The following OR2M3 variants were observed in gnomAD, a reference collection of about 807,000 sequenced individuals.
The protein encoded by OR2M3 is olfactory receptor 2M3.
Under a neutral mutation model 4.3 loss-of-function variants are expected in OR2M3, and 1 was observed. The ratio of observed to expected loss-of-function variants is 0.23; its 90% CI spans 0.08 to 1.11. OR2M3 has a LOEUF of 1.11. OR2M3 is among the 50% of genes most tolerant of loss of function. The probability of loss-of-function intolerance (pLI) is 0.54; values close to 1 mark genes in which losing one functional copy is unlikely to be tolerated. For synonymous variants in OR2M3, 151 were observed against 139.4 expected, an observed-to-expected ratio of 1.08 and a Z score of -0.59; for missense variants, 410 against 390.4, an observed-to-expected ratio of 1.05 and a Z score of -0.42.
intron 1 of OR2M3, among the ~76,000 whole-genome samples, chr1:248,201,339 T>C (rs1025464003): frequency 6.6e-6 from 1 of 152,234 alleles, no homozygotes; most frequent in South Asian, 2.1e-4. Flanking sequence ...CCATTATAAG[T>C]GTGAGGTTTC....
Position 248,202,943 on chromosome 1 carries a change from A to G in OR2M3, c.-18-107A>G, listed in dbSNP as rs777338136. The G allele has an allele frequency of 5.3e-5, 50 of 951,354 alleles. 2 individuals carry two copies. The South Asian group carries it at 8.1e-4, about 15-fold the overall frequency. 58.9% of individuals were successfully genotyped at this position (951,354 alleles called of 1,614,324 possible). Reference sequence around the variant, plus strand: ...CTTGACCTTTTAGTTTCCTACTTCTATTCATGCTGTATTGATCACCCAACT... The same window carrying G: ...CTTGACCTTTTAGTTTCCTACTTCTGTTCATGCTGTATTGATCACCCAACT... On this transcript the variant is annotated intron_variant, in intron 1 of 1. Coordinates refer to ENST00000641626, the MANE Select transcript of OR2M3 (RefSeq NM_001004689.2).
Position 248,204,160 on chromosome 1 carries a change from T to C in OR2M3, c.*154T>C. Reference sequence around the variant, plus strand: ...TATATAATTTATTTCAGATAAACTATTATAACTATTTATTATTTTATATTC... The same window carrying C: ...TATATAATTTATTTCAGATAAACTACTATAACTATTTATTATTTTATATTC... On this transcript the variant is annotated 3_prime_UTR_variant, in exon 2 of 2. Transcript: ENST00000641626. The C allele has an allele frequency of 1.7e-6, 1 of 574,566 alleles. No individual in the cohort carries two copies. The highest frequency in any genetic ancestry group is 3.0e-5 in the South Asian group (1 of 33,440). The allele number at this position is 574,566 out of a possible 1,614,324, so 35.6% of individuals were successfully genotyped here.
rs757817999 is a variant in OR2M3 at position 248,212,199 on chromosome 1, A to G, written c.*8193A>G. The G allele has an allele frequency of 2.6e-5, 4 of 152,140 alleles. No individual in the cohort carries two copies. Among genetic ancestry groups the G allele is most frequent in the Non-Finnish European group, 5.9e-5 (4 of 67,990 alleles). The allele number at this position is 152,140 out of a possible 1,614,324, so 9.4% of individuals were successfully genotyped here. A position where few individuals can be genotyped will look rare whatever the true frequency, so the allele number is the denominator to read the frequency against. ...TAAATAGTGAAACTGTACATGAAACAAGAAGTATACTAATAGCCATCAAAT... is the reference window on the plus strand; with the variant it reads ...TAAATAGTGAAACTGTACATGAAACGAGAAGTATACTAATAGCCATCAAAT... On this transcript the variant is annotated 3_prime_UTR_variant, in exon 2 of 2. Transcript: ENST00000641626.
chr1:248,203,706 C>T lies in OR2M3; in HGVS notation c.639C>T (p.Ile213=). The T allele has an allele frequency of 6.2e-7, 1 of 1,612,890 alleles. No individual in the cohort carries two copies. The stretch of plus-strand genomic sequence containing the variant: ...TAATGATTGTTTTCCCTGTTGCAAT[C>T]ATCATTGCTTCCTATGCTCGAGTTA... ...CIVMIVFPVA[I]IIASYARVIL... is the part of the protein sequence containing the mutation. Residue 213 remains isoleucine, a synonymous_variant, in exon 2 of 2, where the codon ATC becomes ATT. Coordinates refer to ENST00000641626, the MANE Select transcript of OR2M3 (RefSeq NM_001004689.2).
In OR2M3 at chr1:248,210,586, A is replaced by G. The variant is rs1333704093; in HGVS notation, c.*6580A>G. ...CACCATTGTGATTTGTTTCTGCCCC[A>G]CCCTAACTGATCAGTGTACTTTGTA... On this transcript the variant is annotated 3_prime_UTR_variant, in exon 2 of 2. Coordinates refer to ENST00000641626, the MANE Select transcript of OR2M3 (RefSeq NM_001004689.2). The G allele has an allele frequency of 7.2e-5, 11 of 152,278 alleles. No individual in the cohort carries two copies. The highest frequency in any genetic ancestry group is 7.2e-4 in the Admixed American group (11 of 15,268). The allele number at this position is 152,278 out of a possible 1,614,324, so 9.4% of individuals were successfully genotyped here.
chr1:248,199,856 A>G (rs756238942), intron 1 of OR2M3, among the ~76,000 whole-genome samples: 4 of 152,092 alleles, frequency 2.6e-5, no homozygotes, highest in Non-Finnish European at 4.4e-5. Flanking sequence ...ATACAACACA[A>G]ATAATAGTGC....
chr1:248,201,770 T>A (rs949923850), intron 1 of OR2M3, among the ~76,000 whole-genome samples: 6 of 152,122 alleles, frequency 3.9e-5, no homozygotes, highest in African/African-American at 1.4e-4. Context: ...ATAAAGGACA[T>A]GAACTCATCA....
rs375262830 is a variant in OR2M3 at position 248,203,725 on chromosome 1, C to T, written c.658C>T (p.Arg220Ter). The change falls in exon 2 of 2, where the codon CGA becomes TGA. Residue 220 changes from arginine (R) to a stop codon, truncating the protein, a stop_gained. Transcript: ENST00000641626. LOFTEE classifies it high-confidence loss of function. ...PVAIIIASYA[R>*]VILAVIHMGS... ...TGCAATCATCATTGCTTCCTATGCT[C>T]GAGTTATCCTGGCTGTCATTCACAT... is the stretch of plus-strand genomic sequence containing the variant. 1.5e-5 allele frequency: 24 copies of T among 1,612,374 alleles called. No individual in the cohort carries two copies. The highest frequency in any genetic ancestry group is 3.3e-5 in the Admixed American group (2 of 59,942).
rs771018914 is a variant in OR2M3 at position 248,203,694 on chromosome 1, C to T, written c.627C>T (p.Phe209=). Residue 209 remains phenylalanine, a synonymous_variant, in exon 2 of 2, where the codon TTC becomes TTT. Transcript: ENST00000641626. ...TCTGCTGTATAGTAATGATTGTTTTCCCTGTTGCAATCATCATTGCTTCCT... is the reference window on the plus strand; with the variant it reads ...TCTGCTGTATAGTAATGATTGTTTTTCCTGTTGCAATCATCATTGCTTCCT... ...LFICCIVMIV[F]PVAIIIASYA... 1.7e-4 allele frequency: 269 copies of T among 1,613,090 alleles called. 3 individuals carry two copies. In the Admixed American group the frequency reaches 3.9e-3, roughly 23 times the overall value.
At position 248,203,450 on chromosome 1, in the gene OR2M3, A is replaced by G; in HGVS notation, c.383A>G (p.His128Arg). The change falls in exon 2 of 2, where the codon CAC (histidine) becomes CGC (arginine). Residue 128 changes from histidine to arginine, a missense_variant. Physicochemically the swap from His to Arg is conservative, Grantham distance 29 (BLOSUM62 0). Transcript: ENST00000641626. ...TATGACCGCTACACTGCCATTTGCCACCCTCTAAGATACACCAATCTCATG... is the reference window on the plus strand; with the variant it reads ...TATGACCGCTACACTGCCATTTGCCGCCCTCTAAGATACACCAATCTCATG... ...MAYDRYTAIC[H>R]PLRYTNLMSP... The G allele has an allele frequency of 9.9e-6, 16 of 1,613,878 alleles. No individual in the cohort carries two copies. The highest frequency in any genetic ancestry group is 2.2e-5 in the South Asian group (2 of 91,070).
In OR2M3 at chr1:248,212,170, GAAAT is replaced by G. The variant is rs755272298; in HGVS notation, c.*8170_*8173del. 15 of 151,968 alleles carry G rather than the reference GAAAT, an allele frequency of 9.9e-5. No homozygotes were observed. Among genetic ancestry groups the G allele is most frequent in the Non-Finnish European group, 1.6e-4 (11 of 67,980 alleles). 9.4% of individuals were successfully genotyped at this position (151,968 alleles called of 1,614,324 possible). Reference sequence around the variant, plus strand: ...GACTACAGTACATGTGCCTTACCTTGAAATAAATAGTGAAACTGTACATGAAACA... The same window carrying G: ...GACTACAGTACATGTGCCTTACCTTGAAATAGTGAAACTGTACATGAAACA... On this transcript the variant is annotated 3_prime_UTR_variant, in exon 2 of 2. Transcript: ENST00000641626.
chr1:248,212,254 A>C lies in OR2M3; in HGVS notation c.*8248A>C, dbSNP rs535899033. Reference sequence around the variant, plus strand: ...TAAATATTAATTCATAATGCTATACATTAATGACTCTAGAATATGCATCAC... The same window carrying C: ...TAAATATTAATTCATAATGCTATACCTTAATGACTCTAGAATATGCATCAC... On this transcript the variant is annotated 3_prime_UTR_variant, in exon 2 of 2. Transcript: ENST00000641626. 5.9e-5 allele frequency: 9 copies of C among 152,202 alleles called. No homozygotes were observed. The highest frequency in any genetic ancestry group is 1.9e-4 in the African/African-American group (8 of 41,576). The allele number at this position is 152,202 out of a possible 1,614,324, so 9.4% of individuals were successfully genotyped here.
At chr1:248,198,443 A>G (rs1430573094) in intron 1 of OR2M3, among the ~76,000 whole-genome samples, 2 of 152,312 alleles carry the variant, frequency 1.3e-5, no homozygotes, top group African/African-American at 2.4e-5. Flanking sequence ...TATATTACAT[A>G]TAAAGTTGCT....
chr1:248,202,025 T>C (rs1404977214), intron 1 of OR2M3, among the ~76,000 whole-genome samples: 1 of 152,156 alleles, frequency 6.6e-6, no homozygotes, highest in East Asian at 1.9e-4. Context: ...AGATATTGGA[T>C]GTATTAGTTT....
chr1:248,202,518 A>C (rs112277612), intron 1 of OR2M3, among the ~76,000 whole-genome samples: 2 of 152,218 alleles, frequency 1.3e-5, no homozygotes, highest in Non-Finnish European at 2.9e-5. Flanking sequence ...AAATCTTTTC[A>C]GTGTATCCAA....
intron 1 of OR2M3, among the ~76,000 whole-genome samples, chr1:248,198,517 C>T (rs1275976310): frequency 1.3e-5 from 2 of 152,126 alleles, no homozygotes; most frequent in African/African-American, 4.8e-5. Context: ...ATTCCTATTA[C>T]AAAAGGGTAA....
rs763527782 is a variant in OR2M3 at position 248,205,255 on chromosome 1, G to T, written c.*1249G>T. 6.6e-6 allele frequency: 1 copy of T among 151,946 alleles called. No homozygotes were observed. The highest frequency in any genetic ancestry group is 2.4e-5 in the African/African-American group (1 of 41,366). The allele number at this position is 151,946 out of a possible 1,614,324, so 9.4% of individuals were successfully genotyped here. Reference sequence around the variant, plus strand: ...ACTCTATGGGTTGTCTATTTACTCTGCTGACCGTTCCTTTTGCAGTGCAAA... The same window carrying T: ...ACTCTATGGGTTGTCTATTTACTCTTCTGACCGTTCCTTTTGCAGTGCAAA... On this transcript the variant is annotated 3_prime_UTR_variant, in exon 2 of 2. Transcript: ENST00000641626.
At chr1:248,201,709 C>T (rs920292527) in intron 1 of OR2M3, among the ~76,000 whole-genome samples, 1 of 149,898 alleles carries the variant, frequency 6.7e-6, no homozygotes, top group East Asian at 2.0e-4. Context: ...GGTTTTTTGT[C>T]CTTGCGATAG....
chr1:248,210,459 T>G lies in OR2M3; in HGVS notation c.*6453T>G, dbSNP rs1383524159. ...CTGTGTCAGGCCTCTGAGCCCAAGT[T>G]AAGCCATCATATCCCTTGTGACCTG... On this transcript the variant is annotated 3_prime_UTR_variant, in exon 2 of 2. Transcript: ENST00000641626. 1 of 170,192 alleles carries G rather than the reference T, an allele frequency of 5.9e-6. No homozygotes were observed. Among genetic ancestry groups the G allele is most frequent in the Non-Finnish European group, 1.3e-5 (1 of 79,754 alleles). 10.5% of individuals were successfully genotyped at this position (170,192 alleles called of 1,614,324 possible). A position where few individuals can be genotyped will look rare whatever the true frequency, so the allele number is the denominator to read the frequency against.
Sources: gnomAD v4.1 joint callset for allele counts (sites outside exome capture counted in the v4.1 genomes callset) on GRCh38, gnomAD v4.1.1 for gene constraint, MANE v1.5 for transcripts, NCBI Gene and HGNC (gene_info 2026-07-23, HGNC 2026-07-21) for gene names.